The following STK11IP variants were observed in gnomAD, a reference collection of about 807,000 sequenced individuals.
STK11IP encodes serine/threonine kinase 11 interacting protein.
STK11IP carries 103 observed loss-of-function variants against 131.7 expected under a neutral mutation model. The ratio of observed to expected loss-of-function variants is 0.78; its 90% CI spans 0.67 to 0.92. STK11IP has a LOEUF of 0.92. STK11IP is among the 40% of genes least tolerant of loss of function. STK11IP has a pLI of 0.00. For synonymous variants in STK11IP, 557 were observed against 575.6 expected (o/e 0.97, Z 0.46); for missense variants, 1,315 against 1,385.7 (o/e 0.95, Z 0.81).
chr2:219,598,634 G>A (rs1697878999), intron 2 of STK11IP: 1 of 156,546 alleles, frequency 6.4e-6, no homozygotes, highest in Non-Finnish European at 1.4e-5. Context: ...GATTGGCATA[G>A]TGATTGTACT....
At chr2:219,614,369 C>T in intron 22 of STK11IP, 107 bp from the exon 23 acceptor site, 2 of 1,503,652 alleles carry the variant, frequency 1.3e-6, no homozygotes, top group Non-Finnish European at 1.8e-6. Context: ...CTTATGGGCC[C>T]CTAGTGTCTC....
chr2:219,609,764 T>C, intron 17 of STK11IP: 1 of 516,224 alleles, frequency 1.9e-6, no homozygotes, highest in South Asian at 2.2e-5. Context: ...TTTTTTTAAC[T>C]CTAAAAGTCA....
chr2:219,600,418 T>C (rs932265520), intron 2 of STK11IP, among the ~76,000 whole-genome samples: 3 of 152,184 alleles, frequency 2.0e-5, no homozygotes, highest in African/African-American at 7.2e-5. Flanking sequence ...GACTTTGATA[T>C]TGTACTATAG....
chr2:219,600,034 C>A (rs919626547), intron 2 of STK11IP, among the ~76,000 whole-genome samples: 5 of 148,076 alleles, frequency 3.4e-5, no homozygotes, highest in Non-Finnish European at 7.4e-5. Context: ...CCACGCCTGC[C>A]CTTTGTGTTT....
Position 219,608,775 on chromosome 2 carries a change from CG to C in STK11IP, c.1797del (p.Arg601GlyfsTer48). 6.2e-7 allele frequency: 1 copy of C among 1,605,188 alleles called. No individual in the cohort carries two copies. The highest frequency in any genetic ancestry group is 8.5e-7 in the Non-Finnish European group (1 of 1,176,578). On this transcript the variant is annotated frameshift_variant, in exon 15 of 25. Transcript: ENST00000456909. LOFTEE classifies it high-confidence loss of function. ...GAGCCGGAGGCCCAGGCCCAGAGGT[CG>C]CCCAGGCCCACGGTGAGTGGGGCGT... The part of the protein sequence containing the change: ...EIEPEAQAQR[S>X]PRPTGSDLLP...
In STK11IP at chr2:219,608,333, G is replaced by A; in HGVS notation, c.1506G>A (p.Glu502=). ...AEPQEEEEEK[E]GKEEKEEGEM... is the part of the protein sequence containing the mutation. ...CACAGGAGGAGGAAGAGGAGAAGGA[G>A]GGGAAGGAGGAGAAGGAGGAGGGGG... The change falls in exon 14 of 25, where the codon GAG becomes GAA. Residue 502 remains glutamate (E), a synonymous_variant. Transcript: ENST00000456909. The A allele has an allele frequency of 6.3e-7, 1 of 1,596,598 alleles. No homozygotes were observed.
intron 19 of STK11IP, 140 bp downstream of exon 19, chr2:219,612,198 T>A: frequency 1.3e-6 from 1 of 741,800 alleles, no homozygotes; most frequent in Non-Finnish European, 2.2e-6. Context: ...TCTTGCTGTG[T>A]GGCCGTGGAC....
At chr2:219,599,845 CT>C (rs2106143640) in intron 2 of STK11IP, among the ~76,000 whole-genome samples, 1 of 149,568 alleles carries the variant, frequency 6.7e-6, no homozygotes, top group South Asian at 2.1e-4. Context: ...TGAAGTGATT[CT>C]TCTGCCTCAG....
At chr2:219,598,497 A>G in intron 2 of STK11IP, 2 of 282,672 alleles carry the variant, frequency 7.1e-6, no homozygotes, top group South Asian at 1.9e-4. Flanking sequence ...CATAATCATT[A>G]TTGTGTAGCA....
chr2:219,607,369 C>A (rs1019181772), intron 13 of STK11IP, among the ~76,000 whole-genome samples: 1 of 152,074 alleles, frequency 6.6e-6, no homozygotes. Flanking sequence ...GTCAAGAGAT[C>A]ATGTAGGCCA....
chr2:219,612,719 G>A (rs1698435593), intron 19 of STK11IP, among the ~76,000 whole-genome samples: 1 of 152,200 alleles, frequency 6.6e-6, no homozygotes, highest in Admixed American at 6.5e-5. Flanking sequence ...AGGGGCAGGG[G>A]TCCTGAGAGG....
Position 219,616,216 on chromosome 2 carries a change from C to T in STK11IP, c.*23C>T. 3 of 1,607,966 alleles carry T rather than the reference C, an allele frequency of 1.9e-6. No individual in the cohort carries two copies. Among genetic ancestry groups the T allele is most frequent in the Non-Finnish European group, 2.5e-6 (3 of 1,177,006 alleles). ...TGAGGGTCCCACGCTGACCTTGGCCCTGACCTCAGGAGCCACGCTGTAGAC... is the reference window on the plus strand; with the variant it reads ...TGAGGGTCCCACGCTGACCTTGGCCTTGACCTCAGGAGCCACGCTGTAGAC... On this transcript the variant is annotated 3_prime_UTR_variant, in exon 25 of 25. Coordinates refer to ENST00000456909, the MANE Select transcript of STK11IP (RefSeq NM_052902.4).
At chr2:219,599,004 C>T (rs1697891772) in intron 2 of STK11IP, among the ~76,000 whole-genome samples, 1 of 152,222 alleles carries the variant, frequency 6.6e-6, no homozygotes, top group Non-Finnish European at 1.5e-5. Flanking sequence ...CTGGTACATA[C>T]TACAGTTAAT....
At chr2:219,607,970 T>A in intron 13 of STK11IP, 77 bp from the exon 14 acceptor site, 1 of 1,545,634 alleles carries the variant, frequency 6.5e-7, no homozygotes, top group Non-Finnish European at 8.7e-7. Context: ...CCCTCATCGC[T>A]GAGGAGCACC....
At chr2:219,612,164 C>A in intron 19 of STK11IP, 106 bp downstream of exon 19, 1 of 1,042,072 alleles carries the variant, frequency 9.6e-7, no homozygotes, top group Non-Finnish European at 1.4e-6. Flanking sequence ...CCTGATCTGG[C>A]TTCTGGTTTC....
chr2:219,611,505 CA>C, intron 17 of STK11IP, 98 bp from the exon 18 acceptor site: 1 of 1,053,958 alleles, frequency 9.5e-7, no homozygotes, highest in Admixed American at 1.8e-5. Context: ...GGCTTGGGCT[CA>C]GGGGAGACCT....
intron 2 of STK11IP, among the ~76,000 whole-genome samples, 161 bp from the exon 3 acceptor site, chr2:219,601,074 T>C (rs1434694981): frequency 6.6e-6 from 1 of 152,188 alleles, no homozygotes; most frequent in Non-Finnish European, 1.5e-5. Flanking sequence ...AGGGGAGCCA[T>C]TGAATGCTTT....
At chr2:219,614,908 G>C in intron 23 of STK11IP, 186 bp from the exon 24 acceptor site, 2 of 700,832 alleles carry the variant, frequency 2.9e-6, no homozygotes, top group East Asian at 2.7e-5. Flanking sequence ...AGGCCTCAGA[G>C]GTATTCCAGA....
At chr2:219,614,112 C>G in intron 21 of STK11IP, 49 bp from the exon 22 acceptor site, 1 of 1,602,806 alleles carries the variant, frequency 6.2e-7, no homozygotes, top group Non-Finnish European at 8.5e-7. Context: ...TGAGTTTAGG[C>G]TGGAGGAGAG....
Sources: gnomAD v4.1 joint callset for allele counts (sites outside exome capture counted in the v4.1 genomes callset) on GRCh38, gnomAD v4.1.1 for gene constraint, MANE v1.5 for transcripts, NCBI Gene and HGNC (gene_info 2026-07-23, HGNC 2026-07-21) for gene names.